Variants in DPYSL5 observed in about 807,000 individuals in gnomAD.
DPYSL5 encodes the protein dihydropyrimidinase-related protein 5.
In DPYSL5, 9 loss-of-function variants were observed where a neutral mutation model predicts 58.4. The observed-to-expected ratio is 0.15, with a 90% CI of 0.09 to 0.27. The LOEUF is 0.27. Ranked by LOEUF, DPYSL5 falls within the 10% of genes least tolerant of loss-of-function variation. DPYSL5 has a pLI of 1.00. For missense variants in DPYSL5, 499 were observed against 770.6 expected (o/e 0.65, Z 4.17); for synonymous variants, 293 against 301.9 (o/e 0.97, Z 0.31).
chr2:26,946,952 G>A lies in DPYSL5; in HGVS notation c.1652G>A (p.Arg551Gln), dbSNP rs2148180954. ...DDHVPKRASARILAPPGGRSS... is the reference protein window; with the variant it reads ...DDHVPKRASAQILAPPGGRSS... ...CATGTTCCAAAGCGAGCTTCAGCTC[G>A]GATCCTCGCTCCTCCCGGAGGCAGG... Residue 551 changes from arginine to glutamine, a missense_variant, in exon 13 of 13, where the codon CGG (arginine) becomes CAG (glutamine). Coordinates refer to ENST00000288699, the MANE Select transcript of DPYSL5 (RefSeq NM_020134.4). The A allele has an allele frequency of 1.2e-6, 2 of 1,614,122 alleles. No individual in the cohort carries two copies. The highest frequency in any genetic ancestry group is 1.7e-6 in the Non-Finnish European group (2 of 1,179,958).
In DPYSL5 at chr2:26,849,313, A is replaced by AG. The variant is rs1277708601; in HGVS notation, c.-5+1065dup. ...GGAGAAGACCCGCGCTGTGCGGGGG[A>AG]GGGGGGCCTCCTGGGAAGGGGAGCC... On this transcript the variant is annotated intron_variant, in intron 1 of 12. Transcript: ENST00000288699. This position sits in a 1 kb window ranked among gnomAD's most constrained non-coding sequence, Gnocchi z 6.2. Among the ~76,000 whole-genome samples, 2 of 145,966 alleles carry AG rather than the reference A, an allele frequency of 1.4e-5. No homozygotes were observed. Among genetic ancestry groups the AG allele is most frequent in the African/African-American group, 2.6e-5 (1 of 39,154 alleles).
At chr2:26,909,100 C>G (rs1664368785) in intron 2 of DPYSL5, among the ~76,000 whole-genome samples, 6 of 152,214 alleles carry the variant, frequency 3.9e-5, no homozygotes, top group Admixed American at 3.9e-4. Flanking sequence ...ATCATCTCCC[C>G]TGGATAGTTT....
chr2:26,910,249 G>A (rs1002822176), intron 2 of DPYSL5, among the ~76,000 whole-genome samples: 2 of 152,150 alleles, frequency 1.3e-5, no homozygotes, highest in East Asian at 3.8e-4. Flanking sequence ...GTAATTACCC[G>A]GAAGTGGAAT....
At chr2:26,860,801 C>A (rs1665992071) in intron 1 of DPYSL5, among the ~76,000 whole-genome samples, 1 of 152,124 alleles carries the variant, frequency 6.6e-6, no homozygotes, top group African/African-American at 2.4e-5. Context: ...TGCGTGCCAC[C>A]CTTTCTGTAA....
At chr2:26,864,376 A>G (rs1398273984) in intron 1 of DPYSL5, among the ~76,000 whole-genome samples, 1 of 152,266 alleles carries the variant, frequency 6.6e-6, no homozygotes, top group Non-Finnish European at 1.5e-5. Context: ...AACAATGCTG[A>G]CAGCATCCAG....
At chr2:26,857,165 T>A (rs760194781) in intron 1 of DPYSL5, among the ~76,000 whole-genome samples, 3 of 151,980 alleles carry the variant, frequency 2.0e-5, no homozygotes, top group Non-Finnish European at 4.4e-5. Context: ...GATTAACAAG[T>A]GCTTTTTATT....
At chr2:26,928,704 T>TATATATATACACACACACACACAC in intron 5 of DPYSL5, among the ~76,000 whole-genome samples, 6 of 63,000 alleles carry the variant, frequency 9.5e-5, no homozygotes, top group African/African-American at 3.1e-4. Flanking sequence ...TATATATATA[T>TATATATATACACACACACACACAC]ACACACACAC....
At chr2:26,910,563 G>C (rs1367520212) in intron 2 of DPYSL5, among the ~76,000 whole-genome samples, 1 of 150,094 alleles carries the variant, frequency 6.7e-6, no homozygotes, top group Non-Finnish European at 1.5e-5. Context: ...TAAGTTGTTG[G>C]CTTTTAAAAA....
chr2:26,937,239 A>G (rs1231594489), intron 8 of DPYSL5, among the ~76,000 whole-genome samples: 1 of 152,128 alleles, frequency 6.6e-6, no homozygotes, highest in Non-Finnish European at 1.5e-5. Context: ...ACTTTGTCAA[A>G]TGTATTTTAA....
rs757282159 is a variant in DPYSL5 at position 26,924,934 on chromosome 2, C to T, written c.309C>T (p.Pro103=). Residue 103 remains proline, a synonymous_variant, in exon 3 of 13, where the codon CCC becomes CCT. Transcript: ENST00000288699. The surrounding 1 kb of genome is among the most constrained non-coding windows in gnomAD (Gnocchi z 4.7). ...CCATGATCATCGGCCACGTCCTGCC[C>T]GACAAGGAGACCTCCCTTGTGGACG... ...GTTMIIGHVL[P]DKETSLVDAY... 63 of 1,614,018 alleles carry T rather than the reference C, an allele frequency of 3.9e-5. 1 individual carries two copies. Among genetic ancestry groups the T allele is most frequent in the South Asian group, 2.6e-4 (24 of 91,090 alleles).
rs1036391927 is a variant in DPYSL5 at position 26,944,431 on chromosome 2, C to T, written c.1441-225C>T. On this transcript the variant is annotated intron_variant, in intron 11 of 12. Transcript: ENST00000288699. This position sits in a 1 kb window ranked among gnomAD's most constrained non-coding sequence, Gnocchi z 4.4. ...ACACACATGTGCACTCACATACATG[C>T]ACGCATGCACACATGTACACATATG... Among the ~76,000 whole-genome samples the T allele has an allele frequency of 2.6e-5, 4 of 152,194 alleles. No individual in the cohort carries two copies. Among genetic ancestry groups the T allele is most frequent in the African/African-American group, 9.7e-5 (4 of 41,436 alleles).
In DPYSL5 at chr2:26,944,736, G is replaced by A; in HGVS notation, c.1521G>A (p.Met507Ile). 2 of 1,614,092 alleles carry A rather than the reference G, an allele frequency of 1.2e-6. No homozygotes were observed. Among genetic ancestry groups the A allele is most frequent in the Non-Finnish European group, 1.7e-6 (2 of 1,179,994 alleles). ...TCGTGCACCCTGGGAAAAAAGAGAT[G>A]GGAACCCCACTCGCAGACACTCCTA... ...AVVVHPGKKEMGTPLADTPTR... is the reference protein window; with the variant it reads ...AVVVHPGKKEIGTPLADTPTR... Residue 507 changes from methionine to isoleucine, a missense_variant, in exon 12 of 13, where the codon ATG becomes ATA. Coordinates refer to ENST00000288699, the MANE Select transcript of DPYSL5 (RefSeq NM_020134.4). The surrounding 1 kb of genome is among the most constrained non-coding windows in gnomAD (Gnocchi z 4.4).
At chr2:26,917,798 A>C (rs577896961) in intron 2 of DPYSL5, among the ~76,000 whole-genome samples, 1 of 152,298 alleles carries the variant, frequency 6.6e-6, no homozygotes, top group African/African-American at 2.4e-5. Context: ...TCCTTGTTTA[A>C]AAATTATTAA....
At chr2:26,928,119 A>G in intron 4 of DPYSL5, 136 bp from the exon 5 acceptor site, 1 of 877,616 alleles carries the variant, frequency 1.1e-6, no homozygotes, top group Non-Finnish European at 1.8e-6. Context: ...GAAGACGAAC[A>G]CTGCAGAAGT....
At chr2:26,940,951 G>T (rs55977821) in intron 9 of DPYSL5, among the ~76,000 whole-genome samples, 128,149 of 139,222 alleles carry the variant, frequency 0.92, 59,110 homozygotes, top group East Asian at 0.98. Flanking sequence ...ATTTTTTTTT[G>T]TGTGTGATAG....
chr2:26,932,167 GAAA>G (rs1665032218), intron 6 of DPYSL5, among the ~76,000 whole-genome samples: 1 of 64,934 alleles, frequency 1.5e-5, no homozygotes, highest in Non-Finnish European at 3.3e-5. Flanking sequence ...AAGAAAGAAA[GAAA>G]GAAAGAAAGA....
At chr2:26,858,901 C>T (rs1341083550) in intron 1 of DPYSL5, among the ~76,000 whole-genome samples, 1 of 152,098 alleles carries the variant, frequency 6.6e-6, no homozygotes, top group Non-Finnish European at 1.5e-5. Flanking sequence ...ATATATAAAT[C>T]TAATACTCCA....
intron 1 of DPYSL5, among the ~76,000 whole-genome samples, chr2:26,882,807 G>T (rs924588324): frequency 1.3e-5 from 2 of 151,784 alleles, no homozygotes; most frequent in African/African-American, 4.8e-5. Context: ...CAGCTACTCA[G>T]GAGGCTGAGG....
In DPYSL5 at chr2:26,875,510, G is replaced by A. The variant is rs1663388882; in HGVS notation, c.-4-22986G>A. On this transcript the variant is annotated intron_variant, in intron 1 of 12. Transcript: ENST00000288699. ...CAGCCTACTGGGAAAGAGATATGAGGCCCTTTGCACACAGGCTTGGGCTCA... is the reference window on the plus strand; with the variant it reads ...CAGCCTACTGGGAAAGAGATATGAGACCCTTTGCACACAGGCTTGGGCTCA... Among the ~76,000 whole-genome samples, 4 of 152,202 alleles carry A rather than the reference G, an allele frequency of 2.6e-5. No homozygotes were observed. In the South Asian group the frequency reaches 8.3e-4, roughly 31 times the overall value.
Sources: allele counts gnomAD v4.1 joint callset (sites outside exome capture counted in the v4.1 genomes callset), GRCh38; gene constraint gnomAD v4.1.1; non-coding constraint Gnocchi (gnomAD v3.1); transcripts MANE v1.5; gene names NCBI Gene and HGNC (gene_info 2026-07-23, HGNC 2026-07-21).